The following CARS1 variants were observed in gnomAD, a reference collection of about 807,000 sequenced individuals.
CARS1 encodes the protein cysteine--tRNA ligase, cytoplasmic.
In CARS1, 48 loss-of-function variants were observed where a neutral mutation model predicts 106.2. The observed-to-expected ratio is 0.45, with a 90% CI of 0.36 to 0.57. The LOEUF is 0.57. CARS1 is among the 20% of genes least tolerant of loss of function. CARS1 has a pLI of 0.00. For synonymous variants in CARS1, 409 were observed against 403.4 expected, an observed-to-expected ratio of 1.01 and a Z score of -0.17; for missense variants, 968 against 1,057.2, an observed-to-expected ratio of 0.92 and a Z score of 1.17.
chr11:3,027,938 G>T, intron 9 of CARS1: 1 of 446,206 alleles, frequency 2.2e-6, no homozygotes, highest in South Asian at 1.6e-5. Context: ...TGGAGGGCCT[G>T]ACATGAGTCA....
rs769079103 is a variant in CARS1, at chr11:3,047,925, C to T, written c.102G>A (p.Thr34=). 62 of 1,614,030 alleles carry T rather than the reference C, an allele frequency of 3.8e-5. No individual in the cohort carries two copies. The highest frequency in any genetic ancestry group is 4.8e-5 in the Non-Finnish European group (57 of 1,180,026). The change falls in exon 2 of 23, where the codon ACG becomes ACA. Residue 34 remains threonine, a synonymous_variant. Transcript: ENST00000380525. ...RAQALNEHLS[T]RSYVQGYSLS... ...GTGAGTACCCCTGGACATAGCTACG[C>T]GTGCTGAGGTGCTCGTTCAGGGCTT... is the stretch of plus-strand genomic sequence containing the variant.
intron 2 of CARS1, among the ~76,000 whole-genome samples, chr11:3,042,847 G>C (rs1276630788): frequency 6.6e-6 from 1 of 152,218 alleles, no homozygotes; most frequent in Non-Finnish European, 1.5e-5. Flanking sequence ...CCTGGCAGCA[G>C]AAGCCAGGAG....
chr11:3,019,301 C>T lies in CARS1; in HGVS notation c.1267-34G>A. On this transcript the variant is annotated intron_variant, in intron 11 of 22. Transcript: ENST00000380525. This position sits in a 1 kb window ranked among gnomAD's most constrained non-coding sequence, Gnocchi z 6.2. ...AGCCGAACACACAGTGACTGACCAG[C>T]CTACCCGCTTGTCCAGGCCTTTATC... The T allele has an allele frequency of 7.3e-7, 1 of 1,379,262 alleles. No homozygotes were observed. Among genetic ancestry groups the T allele is most frequent in the South Asian group, 2.1e-5 (1 of 48,248 alleles). 85.4% of individuals were successfully genotyped at this position (1,379,262 alleles called of 1,614,324 possible). A position where few individuals can be genotyped will look rare whatever the true frequency, so the allele number is the denominator to read the frequency against.
In CARS1 at chr11:3,002,566, G is replaced by T; in HGVS notation, c.2252C>A (p.Ala751Glu). 1.2e-6 allele frequency: 2 copies of T among 1,614,060 alleles called. No individual in the cohort carries two copies. Among genetic ancestry groups the T allele is most frequent in the Non-Finnish European group, 1.7e-6 (2 of 1,179,922 alleles). ...EEEKRKKKEE[A>E]ARRKQEQEAA... ...TTCTTGTTCCTGTTTCCTCCGGGCCGCCTCCTCTTTCTTCTTCCTCTTCTC... is the reference window on the plus strand; with the variant it reads ...TTCTTGTTCCTGTTTCCTCCGGGCCTCCTCCTCTTTCTTCTTCCTCTTCTC... The change falls in exon 21 of 23, where the codon GCG becomes GAG. Residue 751 changes from alanine to glutamate, a missense_variant. Transcript: ENST00000380525.
chr11:3,017,268 G>C lies in CARS1; in HGVS notation c.1755C>G (p.His585Gln). 3 of 1,613,982 alleles carry C rather than the reference G, an allele frequency of 1.9e-6. No individual in the cohort carries two copies. The highest frequency in any genetic ancestry group is 2.5e-6 in the Non-Finnish European group (3 of 1,179,872). ...TGTCAACATTGTCACAGAGGGCTTT[G>C]TGAATTGCTGTCTTCTTGTCATAAA... is the stretch of plus-strand genomic sequence containing the variant. ...KNFYDKKTAI[H>Q]KALCDNVDTR... The change falls in exon 16 of 23, where the codon CAC becomes CAG. Residue 585 changes from histidine (H) to glutamine (Q), a missense_variant. Physicochemically the swap from His to Gln is conservative, Grantham distance 24 (BLOSUM62 0). Coordinates refer to ENST00000380525, the MANE Select transcript of CARS1 (RefSeq NM_001014437.3). This position sits in a 1 kb window ranked among gnomAD's most constrained non-coding sequence, Gnocchi z 4.9.
intron 1 of CARS1, among the ~76,000 whole-genome samples, chr11:3,051,468 G>A (rs1245736896): frequency 1.3e-5 from 2 of 152,138 alleles, no homozygotes; most frequent in Non-Finnish European, 2.9e-5. Context: ...GGACGGAGGC[G>A]GAGGCAGACC....
chr11:3,016,442 C>T (rs1851017508), intron 16 of CARS1, among the ~76,000 whole-genome samples: 1 of 151,894 alleles, frequency 6.6e-6, no homozygotes, highest in Non-Finnish European at 1.5e-5. Context: ...TCAGGATGGT[C>T]TCCATCTCCT....
At chr11:3,056,923 G>A (rs1856264741) in intron 1 of CARS1, among the ~76,000 whole-genome samples, 1 of 152,204 alleles carries the variant, frequency 6.6e-6, no homozygotes, top group African/African-American at 2.4e-5. Context: ...CGCCCCGCTC[G>A]GGCTCGGGTC....
In CARS1 at chr11:3,053,218, T is replaced by TTTTTA. The variant is rs199617458; in HGVS notation, c.25+4120_25+4124dup. 1.7e-4 allele frequency among the ~76,000 whole-genome samples: 26 copies of TTTTTA among 152,094 alleles called. No homozygotes were observed. Among genetic ancestry groups the TTTTTA allele is most frequent in the East Asian group, 1.2e-3 (6 of 5,176 alleles). Reference sequence around the variant, plus strand: ...CCTATCAGCATTTATTTTTTATTTATTTTTATTTTATTTTATTTTATTTTA... The same window carrying TTTTTA: ...CCTATCAGCATTTATTTTTTATTTATTTTTATTTTATTTTATTTTATTTTATTTTA... On this transcript the variant is annotated intron_variant, in intron 1 of 22. Coordinates refer to ENST00000380525, the MANE Select transcript of CARS1 (RefSeq NM_001014437.3). The surrounding 1 kb of genome is among the most constrained non-coding windows in gnomAD (Gnocchi z 6.6).
chr11:3,055,889 G>C lies in CARS1; in HGVS notation c.25+1454C>G, dbSNP rs142011337. On this transcript the variant is annotated intron_variant, in intron 1 of 22. Coordinates refer to ENST00000380525, the MANE Select transcript of CARS1 (RefSeq NM_001014437.3). ...CATGCTCCAAGGTAGGAGCCATTAC[G>C]CATGGTTTGCTGTGGGGCGGGAGGC... 2.3e-3 allele frequency among the ~76,000 whole-genome samples: 344 copies of C among 152,298 alleles called. 2 individuals are homozygous for C. Among genetic ancestry groups the C allele is most frequent in the African/African-American group, 7.8e-3 (326 of 41,568 alleles).
In CARS1 at chr11:3,044,017, G is replaced by A. The variant is rs529389233; in HGVS notation, c.275-1761C>T. 2.8e-4 allele frequency among the ~76,000 whole-genome samples: 43 copies of A among 152,314 alleles called. No homozygotes were observed. The highest frequency in any genetic ancestry group is 5.6e-4 in the Non-Finnish European group (38 of 68,024). On this transcript the variant is annotated intron_variant, in intron 2 of 22. Transcript: ENST00000380525. The surrounding 1 kb of genome is among the most constrained non-coding windows in gnomAD (Gnocchi z 4.4). ...AGCTCGGCCTCAGTGTACTTTAAAT[G>A]CCTCACAAGCCCTTGAAGGAGAATC...
intron 7 of CARS1, among the ~76,000 whole-genome samples, chr11:3,032,714 C>T (rs1302941383): frequency 6.6e-6 from 1 of 151,886 alleles, no homozygotes; most frequent in Non-Finnish European, 1.5e-5. Context: ...ACTACGGAGA[C>T]AGTAGAAAGA....
chr11:3,039,078 A>G lies in CARS1; in HGVS notation c.651+116T>C, dbSNP rs1854066163. ...GCCCCTGACGGAACTGGCTTGAGTA[A>G]CATACACTTTGTGAAAGCCTGTGAG... is the stretch of plus-strand genomic sequence containing the variant. On this transcript the variant is annotated intron_variant, in intron 6 of 22. Transcript: ENST00000380525. This position sits in a 1 kb window ranked among gnomAD's most constrained non-coding sequence, Gnocchi z 5.6. 2 of 686,084 alleles carry G rather than the reference A, an allele frequency of 2.9e-6. No homozygotes were observed. Among genetic ancestry groups the G allele is most frequent in the African/African-American group, 1.8e-5 (1 of 55,450 alleles). 42.5% of individuals were successfully genotyped at this position (686,084 alleles called of 1,614,324 possible).
chr11:3,026,692 G>C lies in CARS1; in HGVS notation c.1137C>G (p.Ala379=). 1 of 1,613,920 alleles carries C rather than the reference G, an allele frequency of 6.2e-7. No individual in the cohort carries two copies. ...LVPEAVGDQK[A]LQEGEGDLSI... ...CCTCCTCACCTTCCCCTTCTTGAAG[G>C]GCTTTCTGATCTCCAACGGCCTCAG... Residue 379 remains alanine (A), a synonymous_variant, in exon 10 of 23, where the codon GCC becomes GCG. Transcript: ENST00000380525.
rs1362875900 is a variant in CARS1, at chr11:3,040,693, C to T, written c.455+203G>A. 1 of 695,876 alleles carries T rather than the reference C, an allele frequency of 1.4e-6. No individual in the cohort carries two copies. The highest frequency in any genetic ancestry group is 2.6e-6 in the Non-Finnish European group (1 of 386,764). The allele number at this position is 695,876 out of a possible 1,614,324, so 43.1% of individuals were successfully genotyped here. A position where few individuals can be genotyped will look rare whatever the true frequency, so the allele number is the denominator to read the frequency against. ...TTCTTTTTGGTGATCTGTAGTCTTT[C>T]TGCAGTGAATATAGATTACTTATGG... On this transcript the variant is annotated intron_variant, in intron 4 of 22. Coordinates refer to ENST00000380525, the MANE Select transcript of CARS1 (RefSeq NM_001014437.3). This position sits in a 1 kb window ranked among gnomAD's most constrained non-coding sequence, Gnocchi z 5.8.
intron 20 of CARS1, 135 bp downstream of exon 20, chr11:3,005,230 CT>C (rs1849745078): frequency 1.8e-6 from 1 of 570,340 alleles, no homozygotes; most frequent in Admixed American, 3.7e-5. Context: ...GTTAATTTTT[CT>C]TTCTGACATT....
intron 18 of CARS1, chr11:3,007,970 G>C (rs370744238): frequency 1.3e-5 from 2 of 152,276 alleles, no homozygotes; most frequent in African/African-American, 4.8e-5. Flanking sequence ...AGTATCAGGT[G>C]ATGTGACAGC....
At chr11:3,026,386 G>A (rs532684018) in intron 10 of CARS1, among the ~76,000 whole-genome samples, 4 of 152,296 alleles carry the variant, frequency 2.6e-5, no homozygotes, top group South Asian at 2.1e-4. Flanking sequence ...CTAAGGTGAC[G>A]AGCATCCTAA....
Position 3,013,709 on chromosome 11 carries a change from C to T in CARS1, c.1987-1433G>A, listed in dbSNP as rs534076878. ...TACTAAAATACAAAAAAAAATTAGC[C>T]GGGCATGGTGGTGCATGCCTGTAGT... On this transcript the variant is annotated intron_variant, in intron 17 of 22. Coordinates refer to ENST00000380525, the MANE Select transcript of CARS1 (RefSeq NM_001014437.3). Among the ~76,000 whole-genome samples, 45 of 152,010 alleles carry T rather than the reference C, an allele frequency of 3.0e-4. No individual in the cohort carries two copies. The South Asian group carries it at 5.0e-3, about 17-fold the overall frequency.
Sources: gnomAD v4.1 joint callset for allele counts (sites outside exome capture counted in the v4.1 genomes callset) on GRCh38, gnomAD v4.1.1 for gene constraint, Gnocchi (gnomAD v3.1) non-coding constraint, MANE v1.5 for transcripts, NCBI Gene and HGNC (gene_info 2026-07-23, HGNC 2026-07-21) for gene names.